The following SH3RF3 variants were observed in gnomAD, a reference collection of about 807,000 sequenced individuals.
SH3RF3 encodes E3 ubiquitin-protein ligase SH3RF3.
SH3RF3 carries 29 observed loss-of-function variants against 66.3 expected under a neutral mutation model. That is an observed-to-expected ratio of 0.44 (90% confidence interval 0.33 to 0.60). The LOEUF is 0.60. Ranked by LOEUF, SH3RF3 falls within the 20% of genes least tolerant of loss-of-function variation. The pLI is 0.04. For synonymous variants in SH3RF3, 583 were observed against 532.0 expected, an observed-to-expected ratio of 1.10 and a Z score of -1.32; for missense variants, 1,194 against 1,190.9, an observed-to-expected ratio of 1.00 and a Z score of -0.04.
intron 8 of SH3RF3, among the ~76,000 whole-genome samples, chr2:109,489,615 C>G (rs1238462963): frequency 6.6e-6 from 1 of 152,224 alleles, no homozygotes; most frequent in Admixed American, 6.5e-5. Context: ...GATGGCCCGT[C>G]AGCAGCATCC....
At chr2:109,367,882 C>T (rs367567311) in intron 2 of SH3RF3, among the ~76,000 whole-genome samples, 56 of 152,232 alleles carry the variant, frequency 3.7e-4, no homozygotes, top group African/African-American at 1.3e-3. Context: ...TAGGAATCAC[C>T]GAACTGCCTG....
intron 1 of SH3RF3, among the ~76,000 whole-genome samples, chr2:109,177,170 C>T (rs1482811911): frequency 6.6e-6 from 1 of 152,188 alleles, no homozygotes; most frequent in Non-Finnish European, 1.5e-5. Flanking sequence ...ACACACTCAG[C>T]CCAGAGTCAG....
intron 2 of SH3RF3, among the ~76,000 whole-genome samples, chr2:109,370,138 C>T (rs889891022): frequency 1.3e-5 from 2 of 152,132 alleles, no homozygotes; most frequent in Non-Finnish European, 2.9e-5. Flanking sequence ...AACAGAGGTT[C>T]GCCAAAGGCC....
At chr2:109,482,806 C>T (rs531349899) in intron 8 of SH3RF3, among the ~76,000 whole-genome samples, 20 of 152,310 alleles carry the variant, frequency 1.3e-4, no homozygotes, top group African/African-American at 2.6e-4. Context: ...CACGATGCGG[C>T]GGTCACGTCT....
intron 1 of SH3RF3, among the ~76,000 whole-genome samples, chr2:109,135,069 T>A (rs1676785881): frequency 6.6e-6 from 1 of 152,194 alleles, no homozygotes; most frequent in South Asian, 2.1e-4. Flanking sequence ...CCCTACCCAG[T>A]AGGTCTCAAA....
At chr2:109,485,271 A>G (rs1393607941) in intron 8 of SH3RF3, among the ~76,000 whole-genome samples, 2 of 152,262 alleles carry the variant, frequency 1.3e-5, no homozygotes, top group African/African-American at 4.8e-5. Flanking sequence ...ACATGGCTTA[A>G]TCAAGAAGGT....
chr2:109,296,905 A>C (rs1681325000), intron 1 of SH3RF3, among the ~76,000 whole-genome samples: 1 of 152,172 alleles, frequency 6.6e-6, no homozygotes, highest in Admixed American at 6.5e-5. Context: ...TTTTAAACAC[A>C]GGAGTGTGGA....
intron 1 of SH3RF3, among the ~76,000 whole-genome samples, chr2:109,242,813 C>A (rs1162793293): frequency 6.6e-6 from 1 of 152,168 alleles, no homozygotes; most frequent in Non-Finnish European, 1.5e-5. Flanking sequence ...TGGGGACCCT[C>A]ACTCTGTGGC....
chr2:109,206,408 G>A (rs1004099338), intron 1 of SH3RF3, among the ~76,000 whole-genome samples: 1 of 146,246 alleles, frequency 6.8e-6, no homozygotes, highest in African/African-American at 2.5e-5. Context: ...GGAGAGTGGC[G>A]TGAACCTGGG....
intron 1 of SH3RF3, among the ~76,000 whole-genome samples, chr2:109,338,235 G>A (rs34215396): frequency 0.011 from 1,644 of 152,204 alleles, 15 homozygotes; most frequent in Middle Eastern, 0.034. Flanking sequence ...CTCACATTTA[G>A]GATCCCTGTG....
chr2:109,132,532 G>A (rs572000065), intron 1 of SH3RF3, among the ~76,000 whole-genome samples: 2 of 152,304 alleles, frequency 1.3e-5, no homozygotes, highest in South Asian at 4.2e-4. Context: ...TGTGGAGTCA[G>A]TTAACGATGC....
intron 9 of SH3RF3, among the ~76,000 whole-genome samples, chr2:109,497,134 A>G (rs36197726): frequency 0.25 from 38,776 of 152,108 alleles, 5,270 homozygotes; most frequent in East Asian, 0.5. Context: ...TTATAGTATG[A>G]TGCCACTACA....
intron 1 of SH3RF3, among the ~76,000 whole-genome samples, chr2:109,245,306 A>T (rs532238174): frequency 1.3e-4 from 20 of 152,158 alleles, no homozygotes; most frequent in African/African-American, 4.8e-4. Flanking sequence ...GGTGAGGCCC[A>T]TGCCTGTGGT....
chr2:109,380,186 G>A (rs902882756), intron 3 of SH3RF3, among the ~76,000 whole-genome samples: 2 of 152,164 alleles, frequency 1.3e-5, no homozygotes, highest in Admixed American at 6.5e-5. Context: ...AAAATAGGTA[G>A]GTGCCTAGGT....
intron 4 of SH3RF3, among the ~76,000 whole-genome samples, chr2:109,418,420 T>C (rs1676781388): frequency 6.6e-6 from 1 of 152,094 alleles, no homozygotes; most frequent in South Asian, 2.1e-4. Context: ...ACAGGTTTGG[T>C]TCCTCCTGAG....
At chr2:109,456,070 C>T (rs1008037433) in intron 8 of SH3RF3, among the ~76,000 whole-genome samples, 2 of 152,218 alleles carry the variant, frequency 1.3e-5, no homozygotes, top group African/African-American at 2.4e-5. Context: ...TCTGATGCAT[C>T]GCTGGGCTCC....
intron 1 of SH3RF3, among the ~76,000 whole-genome samples, chr2:109,249,220 C>G (rs995405503): frequency 2.0e-5 from 3 of 152,346 alleles, no homozygotes; most frequent in South Asian, 2.1e-4. Flanking sequence ...GCAACTCCCC[C>G]CCGACTCCTA....
At chr2:109,146,915 A>C (rs1375545524) in intron 1 of SH3RF3, among the ~76,000 whole-genome samples, 1 of 101,112 alleles carries the variant, frequency 9.9e-6, no homozygotes, top group Non-Finnish European at 1.8e-5. Context: ...CCAATATCCT[A>C]TGAAGGCCTC....
At chr2:109,244,361 A>T (rs1424858390) in intron 1 of SH3RF3, among the ~76,000 whole-genome samples, 1 of 152,202 alleles carries the variant, frequency 6.6e-6, no homozygotes, top group African/African-American at 2.4e-5. Context: ...AATTGTCCTA[A>T]TATATAAACC....
Sources: allele counts gnomAD v4.1 joint callset (sites outside exome capture counted in the v4.1 genomes callset), GRCh38; gene constraint gnomAD v4.1.1; transcripts MANE v1.5; gene names NCBI Gene and HGNC (gene_info 2026-07-23, HGNC 2026-07-21).